NHSL1: variants seen among roughly 807,000 people sequenced by gnomAD.
NHSL1 encodes the protein NHS-like protein 1.
NHSL1 carries 48 observed loss-of-function variants against 95.0 expected under a neutral mutation model. The ratio of observed to expected loss-of-function variants is 0.51; its 90% CI spans 0.40 to 0.64. The LOEUF is 0.64. NHSL1 is among the 30% of genes least tolerant of loss of function. The pLI is 0.00. For synonymous variants in NHSL1, 783 were observed against 833.9 expected, an observed-to-expected ratio of 0.94 and a Z score of 1.05; for missense variants, 1,971 against 2,077.7, an observed-to-expected ratio of 0.95 and a Z score of 1.00.
chr6:138,489,278 C>G (rs1350904374), intron 2 of NHSL1, among the ~76,000 whole-genome samples: 1 of 152,192 alleles, frequency 6.6e-6, no homozygotes, highest in Non-Finnish European at 1.5e-5. Context: ...GATATTAATA[C>G]TTTACATGAA....
Position 138,430,326 on chromosome 6 carries a change from A to G in NHSL1, c.3952+67T>C. On this transcript the variant is annotated intron_variant, in intron 6 of 7. Transcript: ENST00000343505. This position sits in a 1 kb window ranked among gnomAD's most constrained non-coding sequence, Gnocchi z 4.7. ...TCTTTCCACGTGTGAGCATTCAACA[A>G]CCCTATCTGGTTCAGCTGCATATGG... The G allele has an allele frequency of 4.2e-6, 6 of 1,426,040 alleles. No homozygotes were observed. Among genetic ancestry groups the G allele is most frequent in the South Asian group, 3.4e-5 (2 of 59,054 alleles). 88.3% of individuals were successfully genotyped at this position (1,426,040 alleles called of 1,614,324 possible). A position where few individuals can be genotyped will look rare whatever the true frequency, so the allele number is the denominator to read the frequency against.
At chr6:138,500,277 T>A (rs1477293372), upstream of NHSL1, among the ~76,000 whole-genome samples, 4 of 152,232 alleles carry the variant, frequency 2.6e-5, no homozygotes, top group Non-Finnish European at 5.9e-5. Context: ...AACTTGAATC[T>A]ACCATCCAGA....
chr6:138,647,619 T>G (rs1785036804), intron 1 of NHSL1, among the ~76,000 whole-genome samples: 1 of 151,612 alleles, frequency 6.6e-6, no homozygotes, highest in South Asian at 2.1e-4. Context: ...TTTTTTTTTT[T>G]TGAGATGGAG....
At chr6:138,482,335 A>G (rs1004050299) in intron 2 of NHSL1, among the ~76,000 whole-genome samples, 10 of 151,668 alleles carry the variant, frequency 6.6e-5, no homozygotes, top group African/African-American at 2.4e-4. Context: ...AGTCCCAGCT[A>G]CTCAGGAGGC....
intron 5 of NHSL1, 108 bp downstream of exon 5, chr6:138,441,875 C>A (rs1776546517): frequency 9.0e-6 from 10 of 1,108,898 alleles, no homozygotes; most frequent in Non-Finnish European, 1.2e-5. Flanking sequence ...GTTGGGGCAC[C>A]AAACGGCTAT....
Position 138,431,346 on chromosome 6 carries a change from A to G in NHSL1, c.2999T>C (p.Ile1000Thr). ...LSPPRPALSP[I>T]LPDSPVSLPL... ...CAAGGACACAGGTGAATCTGGAAGAATGGGGCTCAGTGCAGGGCGGGGAGG... is the reference window on the plus strand; with the variant it reads ...CAAGGACACAGGTGAATCTGGAAGAGTGGGGCTCAGTGCAGGGCGGGGAGG... The change falls in exon 6 of 8, where the codon ATT (isoleucine) becomes ACT (threonine). Residue 1000 changes from isoleucine (I) to threonine (T), a missense_variant. By Grantham distance (89) the Ile-to-Thr change is moderately conservative (BLOSUM62 -1). Transcript: ENST00000343505. The surrounding 1 kb of genome is among the most constrained non-coding windows in gnomAD (Gnocchi z 4.0). 1 of 1,531,614 alleles carries G rather than the reference A, an allele frequency of 6.5e-7. No individual in the cohort carries two copies. The highest frequency in any genetic ancestry group is 8.8e-7 in the Non-Finnish European group (1 of 1,137,444). 94.9% of individuals were successfully genotyped at this position (1,531,614 alleles called of 1,614,324 possible).
intron 1 of NHSL1, among the ~76,000 whole-genome samples, chr6:138,527,527 T>C (rs1382570903): frequency 6.6e-6 from 1 of 152,142 alleles, no homozygotes; most frequent in Non-Finnish European, 1.5e-5. Context: ...TCAAGATAAA[T>C]GGCAAGTCAG....
chr6:138,459,251 G>C (rs1262179267), intron 3 of NHSL1, among the ~76,000 whole-genome samples: 1 of 152,178 alleles, frequency 6.6e-6, no homozygotes, highest in Non-Finnish European at 1.5e-5. Context: ...GCCTCCCAAA[G>C]TGCTGGTATT....
At chr6:138,556,291 A>C (rs1783193707) in intron 1 of NHSL1, among the ~76,000 whole-genome samples, 1 of 152,156 alleles carries the variant, frequency 6.6e-6, no homozygotes, top group Admixed American at 6.5e-5. Flanking sequence ...CAAAATAGAG[A>C]GTAACTATGT....
intron 3 of NHSL1, among the ~76,000 whole-genome samples, chr6:138,448,867 A>C (rs1285495868): frequency 6.6e-6 from 1 of 152,148 alleles, no homozygotes; most frequent in Non-Finnish European, 1.5e-5. Context: ...AGCCTGAGCA[A>C]CACAGAGAAA....
intron 3 of NHSL1, chr6:138,464,363 G>A (rs12661565): frequency 0.067 from 31,824 of 477,124 alleles, 2,572 homozygotes; most frequent in East Asian, 0.32. Flanking sequence ...GCAGGTGGTC[G>A]CCATCGCTGC....
intron 1 of NHSL1, among the ~76,000 whole-genome samples, chr6:138,570,194 C>T (rs1039557819): frequency 2.6e-5 from 4 of 152,292 alleles, no homozygotes; most frequent in South Asian, 4.1e-4. Context: ...TGTATACAGT[C>T]GTTAACAGAG....
rs1774998617 is a variant in NHSL1, at chr6:138,422,794, T to C, written c.*1287A>G. On this transcript the variant is annotated 3_prime_UTR_variant, in exon 8 of 8. Coordinates refer to ENST00000343505, the MANE Select transcript of NHSL1 (RefSeq NM_001144060.2). ...ATATAAAAATGCACAAACCAAATGA[T>C]GCAAAAAAACCTTTTTAATCTAAAA... 6.6e-6 allele frequency: 1 copy of C among 152,132 alleles called. No individual in the cohort carries two copies. The highest frequency in any genetic ancestry group is 2.1e-4 in the South Asian group (1 of 4,836). The allele number at this position is 152,132 out of a possible 1,614,324, so 9.4% of individuals were successfully genotyped here.
At chr6:138,575,040 C>T (rs140180857), upstream of NHSL1, among the ~76,000 whole-genome samples, 2,953 of 152,148 alleles carry the variant, frequency 0.019, 96 homozygotes, top group African/African-American at 0.067. Context: ...GCTAGGATTA[C>T]AGGCATATGC....
At chr6:138,593,341 A>G (rs1315568016) in intron 1 of NHSL1, among the ~76,000 whole-genome samples, 1 of 152,184 alleles carries the variant, frequency 6.6e-6, no homozygotes, top group African/African-American at 2.4e-5. Context: ...TTCCCCGTTC[A>G]TAGTCTTCAA....
At chr6:138,485,872 C>T (rs1779696950) in intron 2 of NHSL1, among the ~76,000 whole-genome samples, 1 of 152,214 alleles carries the variant, frequency 6.6e-6, no homozygotes, top group African/African-American at 2.4e-5. Flanking sequence ...GAAAAGTCAA[C>T]CTAATTAAAT....
At chr6:138,449,448 G>A (rs59912452) in intron 3 of NHSL1, among the ~76,000 whole-genome samples, 2,758 of 152,120 alleles carry the variant, frequency 0.018, 61 homozygotes, top group African/African-American at 0.056. Flanking sequence ...AGGCTGAGGC[G>A]GGCAGATCAC....
exon 1 of NHSL1, chr6:138,571,795 A>C: frequency 6.4e-7 from 1 of 1,552,308 alleles, no homozygotes; most frequent in Non-Finnish European, 8.7e-7. Flanking sequence ...CATCACTGCG[A>C]AACAGCCTCT....
chr6:138,517,107 C>T (rs1781491596), intron 1 of NHSL1, among the ~76,000 whole-genome samples: 1 of 152,176 alleles, frequency 6.6e-6, no homozygotes, highest in Non-Finnish European at 1.5e-5. Flanking sequence ...TTCCCCCATG[C>T]CTACTCTTTG....
Sources: allele counts gnomAD v4.1 joint callset (sites outside exome capture counted in the v4.1 genomes callset), GRCh38; gene constraint gnomAD v4.1.1; non-coding constraint Gnocchi (gnomAD v3.1); transcripts MANE v1.5; gene names NCBI Gene and HGNC (gene_info 2026-07-23, HGNC 2026-07-21).